PIWIL4: variants seen among roughly 807,000 people sequenced by gnomAD.
The protein encoded by PIWIL4 is piwi like RNA-mediated gene silencing 4.
Under a neutral mutation model 100.9 loss-of-function variants are expected in PIWIL4, and 50 were observed. The observed-to-expected ratio is 0.50, with a 90% CI of 0.39 to 0.63. PIWIL4 has a LOEUF of 0.63. Ranked by LOEUF, PIWIL4 falls within the 20% of genes least tolerant of loss-of-function variation. PIWIL4 has a pLI of 0.00. For synonymous variants in PIWIL4, 342 were observed against 367.5 expected (o/e 0.93, Z 0.79); for missense variants, 887 against 1,043.3 (o/e 0.85, Z 2.06).
chr11:94,591,398 A>T (rs1339532128), intron 8 of PIWIL4, among the ~76,000 whole-genome samples: 2 of 152,246 alleles, frequency 1.3e-5, no homozygotes, highest in East Asian at 3.8e-4. Flanking sequence ...GTAGAAGAGC[A>T]AGCTGTTCTC....
In PIWIL4 at chr11:94,608,628, C is replaced by T. The variant is rs145352568; in HGVS notation, c.1885C>T (p.Leu629Phe). The T allele has an allele frequency of 1.9e-6, 3 of 1,614,032 alleles. No individual in the cohort carries two copies. The highest frequency in any genetic ancestry group is 1.3e-5 in the African/African-American group (1 of 74,922). Residue 629 changes from leucine to phenylalanine, a missense_variant, in exon 15 of 20, where the codon CTC becomes TTC. Coordinates refer to ENST00000299001, the MANE Select transcript of PIWIL4 (RefSeq NM_152431.3). The stretch of plus-strand genomic sequence containing the variant: ...CGGTATTGATGTCTGTAAAGATGCA[C>T]TCAGCAAGGACGTGATGGTTGTTGG... ...VVGIDVCKDA[L>F]SKDVMVVGCV...
At chr11:94,585,840 A>C (rs566052169) in intron 6 of PIWIL4, among the ~76,000 whole-genome samples, 1 of 152,350 alleles carries the variant, frequency 6.6e-6, no homozygotes, top group African/African-American at 2.4e-5. Context: ...GGTTGTTAGC[A>C]CAGCCAGAGT....
rs191685906 is a variant in PIWIL4 at position 94,621,119 on chromosome 11, A to C, written c.*127A>C. On this transcript the variant is annotated 3_prime_UTR_variant, in exon 20 of 20. Transcript: ENST00000299001. ...TTGAGCTTAGTTTTCATGTCTAGGA[A>C]AAAAAGCAAAACAACTTAATCTGAA... The C allele has an allele frequency of 1.1e-4, 66 of 617,932 alleles. No homozygotes were observed. In the East Asian group the frequency reaches 1.7e-3, roughly 16 times the overall value. 38.3% of individuals were successfully genotyped at this position (617,932 alleles called of 1,614,324 possible). A position where few individuals can be genotyped will look rare whatever the true frequency, so the allele number is the denominator to read the frequency against.
At chr11:94,618,374 A>G (rs918018631) in intron 17 of PIWIL4, among the ~76,000 whole-genome samples, 1 of 152,192 alleles carries the variant, frequency 6.6e-6, no homozygotes, top group African/African-American at 2.4e-5. Context: ...AGCAGCTGAC[A>G]CAGATTCAGC....
intron 15 of PIWIL4, 29 bp downstream of exon 15, chr11:94,608,715 T>A: frequency 6.4e-7 from 1 of 1,553,044 alleles, no homozygotes; most frequent in Non-Finnish European, 8.9e-7. Flanking sequence ...GAACACATGC[T>A]TCATTTAGTT....
At chr11:94,569,374 T>TG (rs920182428) in intron 2 of PIWIL4, among the ~76,000 whole-genome samples, 75 of 151,712 alleles carry the variant, frequency 4.9e-4, no homozygotes, top group Middle Eastern at 6.8e-3. Context: ...TGTTTTTTTT[T>TG]TTTGTTTGTT....
intron 11 of PIWIL4, among the ~76,000 whole-genome samples, chr11:94,601,078 C>T (rs76235372): frequency 6.6e-6 from 1 of 150,468 alleles, no homozygotes; most frequent in African/African-American, 2.5e-5. Context: ...TCCTCCTCGG[C>T]TTACGAGATG....
chr11:94,600,571 C>T (rs1034640034), intron 11 of PIWIL4, among the ~76,000 whole-genome samples: 4 of 151,966 alleles, frequency 2.6e-5, no homozygotes, highest in South Asian at 2.1e-4. Context: ...CAGGACCGGG[C>T]GAAATTAAAA....
chr11:94,587,064 C>G lies in PIWIL4; in HGVS notation c.731C>G (p.Pro244Arg). The G allele has an allele frequency of 6.2e-7, 1 of 1,611,734 alleles. No homozygotes were observed. The highest frequency in any genetic ancestry group is 8.5e-7 in the Non-Finnish European group (1 of 1,178,224). The change falls in exon 7 of 20, where the codon CCT becomes CGT. Residue 244 changes from proline (P) to arginine (R), a missense_variant. Transcript: ENST00000299001. ...TGTTTTTAAAGATTATCCCTTTGGC[C>G]TGGGTTTGCCATTTCTGTGTCATAT... The part of the protein sequence containing the change: ...EIPQHKLSLW[P>R]GFAISVSYFE...
chr11:94,589,489 T>G (rs985457106), intron 8 of PIWIL4, among the ~76,000 whole-genome samples: 14 of 152,298 alleles, frequency 9.2e-5, no homozygotes, highest in African/African-American at 3.1e-4. Flanking sequence ...GCTAATACAT[T>G]TCCATGTCTC....
Position 94,589,104 on chromosome 11 carries a change from C to A in PIWIL4, c.915-17C>A, listed in dbSNP as rs76061319. On this transcript the variant is annotated splice_polypyrimidine_tract_variant and intron_variant, in intron 7 of 19. Transcript: ENST00000299001. ...AGATGATTAAAAAACAATTTAAAGA[C>A]TTTTTATATTTGGCAGATACAATAA... 2.2e-3 allele frequency: 3,479 copies of A among 1,564,368 alleles called. 60 individuals are homozygous for A. In the African/African-American group the frequency reaches 0.042, roughly 19 times the overall value.
chr11:94,608,789 A>G, intron 15 of PIWIL4, 103 bp downstream of exon 15: 5 of 960,504 alleles, frequency 5.2e-6, no homozygotes, highest in Non-Finnish European at 8.2e-6. Context: ...TTATTCACTC[A>G]TTTTAAACAC....
At chr11:94,573,836 G>A (rs1939139) in intron 2 of PIWIL4, among the ~76,000 whole-genome samples, 37,970 of 151,886 alleles carry the variant, frequency 0.25, 4,934 homozygotes, top group East Asian at 0.29. Flanking sequence ...TTGTTGTGCA[G>A]TCATCACCAC....
chr11:94,581,540 G>A (rs1031223236), intron 4 of PIWIL4, among the ~76,000 whole-genome samples: 4 of 152,202 alleles, frequency 2.6e-5, no homozygotes, highest in African/African-American at 9.7e-5. Context: ...CCAAGGAACA[G>A]AGACTCTTCC....
intron 13 of PIWIL4, among the ~76,000 whole-genome samples, chr11:94,606,664 C>A (rs1948722494): frequency 6.6e-6 from 1 of 152,102 alleles, no homozygotes; most frequent in African/African-American, 2.4e-5. Context: ...GAAACCCCGT[C>A]TCTACTAAAA....
intron 11 of PIWIL4, among the ~76,000 whole-genome samples, chr11:94,601,118 G>C (rs1349978632): frequency 6.6e-6 from 1 of 151,242 alleles, no homozygotes; most frequent in Non-Finnish European, 1.5e-5. Context: ...GTAAAGACAG[G>C]CATAAGAAAT....
At position 94,583,681 on chromosome 11, in the gene PIWIL4, C is replaced by A. The variant is rs1948358503; in HGVS notation, c.635+112C>A. ...AGGCAGTGTGCCAGCAGTGATGCCA[C>A]CGTTAGGGCAATTTCTCAAGCACCT... On this transcript the variant is annotated intron_variant, in intron 5 of 19. Coordinates refer to ENST00000299001, the MANE Select transcript of PIWIL4 (RefSeq NM_152431.3). 10 of 1,401,918 alleles carry A rather than the reference C, an allele frequency of 7.1e-6. No individual in the cohort carries two copies. The Middle Eastern group carries it at 5.7e-4, about 80-fold the overall frequency. 86.8% of individuals were successfully genotyped at this position (1,401,918 alleles called of 1,614,324 possible).
At chr11:94,620,224 A>G in intron 19 of PIWIL4, 80 bp downstream of exon 19, 3 of 1,389,188 alleles carry the variant, frequency 2.2e-6, no homozygotes. Context: ...TCATCTTTGT[A>G]TCCCTAGATA....
chr11:94,619,653 T>C, intron 17 of PIWIL4, 107 bp from the exon 18 acceptor site: 1 of 1,284,104 alleles, frequency 7.8e-7, no homozygotes, highest in East Asian at 2.6e-5. Flanking sequence ...TTTTGCAGTG[T>C]TTTTCAAATG....
Sources: gnomAD v4.1 joint callset for allele counts (sites outside exome capture counted in the v4.1 genomes callset) on GRCh38, gnomAD v4.1.1 for gene constraint, MANE v1.5 for transcripts, NCBI Gene and HGNC (gene_info 2026-07-23, HGNC 2026-07-21) for gene names.